Variants in OSBPL6 observed in about 807,000 individuals in gnomAD.
OSBPL6 encodes oxysterol binding protein like 6, also known as oxysterol-binding protein-related protein 6.
Under a neutral mutation model 125.8 loss-of-function variants are expected in OSBPL6, and 49 were observed. That is an observed-to-expected ratio of 0.39 (90% CI 0.31 to 0.49). OSBPL6 has a LOEUF of 0.49. Among genes scored for constraint, OSBPL6 ranks in the 20% least tolerant of loss-of-function variants. The pLI, the probability that OSBPL6 is intolerant of heterozygous loss-of-function variation, is 0.88. For synonymous variants in OSBPL6, 394 were observed against 391.8 expected (o/e 1.01, Z -0.07); for missense variants, 986 against 1,135.4 (o/e 0.87, Z 1.89).
intron 1 of OSBPL6, among the ~76,000 whole-genome samples, chr2:178,197,551 T>G (rs1483885517): frequency 6.6e-6 from 1 of 152,212 alleles, no homozygotes; most frequent in Non-Finnish European, 1.5e-5. Context: ...TATATGCTTC[T>G]TTTCCATGCA....
chr2:178,267,530 T>A (rs2092273342), intron 1 of OSBPL6, among the ~76,000 whole-genome samples: 1 of 152,106 alleles, frequency 6.6e-6, no homozygotes, highest in Admixed American at 6.6e-5. Context: ...CGTTGTAGGA[T>A]ATATGTAAGT....
intron 16 of OSBPL6, 159 bp from the exon 17 acceptor site, chr2:178,382,865 A>G: frequency 7.2e-7 from 1 of 1,395,154 alleles, no homozygotes; most frequent in South Asian, 1.5e-5. Context: ...TGCATTTATT[A>G]GCAACCTTGC....
chr2:178,352,648 T>G (rs1691383477), intron 12 of OSBPL6, among the ~76,000 whole-genome samples: 1 of 152,196 alleles, frequency 6.6e-6, no homozygotes, highest in Non-Finnish European at 1.5e-5. Flanking sequence ...AGACTCCACC[T>G]CTGTGGTCAG....
intron 15 of OSBPL6, among the ~76,000 whole-genome samples, chr2:178,378,106 G>A (rs1366688748): frequency 6.6e-6 from 1 of 152,148 alleles, no homozygotes; most frequent in Non-Finnish European, 1.5e-5. Context: ...TGGGACTACA[G>A]GCATGAGCCA....
At chr2:178,336,929 T>C (rs572497672) in intron 9 of OSBPL6, among the ~76,000 whole-genome samples, 1 of 152,316 alleles carries the variant, frequency 6.6e-6, no homozygotes, top group South Asian at 2.1e-4. Context: ...AATGGCAAAG[T>C]TGTAAAATGC....
At chr2:178,221,548 G>T (rs186952535) in intron 1 of OSBPL6, among the ~76,000 whole-genome samples, 229 of 152,356 alleles carry the variant, frequency 1.5e-3, no homozygotes, top group African/African-American at 4.9e-3. Flanking sequence ...TGTCGATTAT[G>T]TACGTGTCAC....
At chr2:178,199,577 A>G (rs950221712) in intron 1 of OSBPL6, among the ~76,000 whole-genome samples, 1 of 148,254 alleles carries the variant, frequency 6.7e-6, no homozygotes, top group Non-Finnish European at 1.5e-5. Context: ...CAAGATAACC[A>G]TTAAGGGTTT....
At chr2:178,337,822 A>G (rs1326498597) in intron 9 of OSBPL6, among the ~76,000 whole-genome samples, 8 of 152,224 alleles carry the variant, frequency 5.3e-5, no homozygotes, top group African/African-American at 1.9e-4. Context: ...CTATGCTTAT[A>G]TAGCACCATT....
intron 13 of OSBPL6, among the ~76,000 whole-genome samples, chr2:178,369,811 AC>A (rs1180667468): frequency 1.3e-5 from 2 of 152,156 alleles, no homozygotes; most frequent in African/African-American, 4.8e-5. Flanking sequence ...TAAATGGCAA[AC>A]CTATCTTTAA....
intron 1 of OSBPL6, among the ~76,000 whole-genome samples, chr2:178,268,964 T>C (rs560820047): frequency 2.8e-4 from 43 of 152,278 alleles, no homozygotes; most frequent in African/African-American, 9.1e-4. Flanking sequence ...TCCTGCATGA[T>C]TGTATGTGCA....
intron 15 of OSBPL6, among the ~76,000 whole-genome samples, chr2:178,379,193 A>G (rs1018827231): frequency 2.0e-5 from 3 of 151,652 alleles, no homozygotes; most frequent in Non-Finnish European, 4.4e-5. Flanking sequence ...AAGGAACGAA[A>G]AAAAGAAAGG....
intron 1 of OSBPL6, among the ~76,000 whole-genome samples, chr2:178,267,910 T>C (rs534512648): frequency 6.6e-6 from 1 of 152,134 alleles, no homozygotes; most frequent in South Asian, 2.1e-4. Context: ...TCTCTGCTAA[T>C]ATCCATACTT....
At chr2:178,247,552 T>C (rs2153999314) in intron 1 of OSBPL6, among the ~76,000 whole-genome samples, 1 of 152,298 alleles carries the variant, frequency 6.6e-6, no homozygotes, top group Admixed American at 6.5e-5. Context: ...CATGTCTTGC[T>C]TCTCTTTCAC....
intron 1 of OSBPL6, among the ~76,000 whole-genome samples, chr2:178,268,085 CTTTT>C (rs36020212): frequency 7.0e-6 from 1 of 142,292 alleles, no homozygotes; most frequent in Non-Finnish European, 1.5e-5. Context: ...TTTAAATTTT[CTTTT>C]TTTTTTTTTT....
At chr2:178,268,810 C>A (rs2092308515) in intron 1 of OSBPL6, among the ~76,000 whole-genome samples, 5 of 151,656 alleles carry the variant, frequency 3.3e-5, no homozygotes, top group Admixed American at 2.0e-4. Flanking sequence ...ATAGCCAGAG[C>A]ATTGAGGCAG....
intron 13 of OSBPL6, among the ~76,000 whole-genome samples, chr2:178,367,944 C>T (rs894496803): frequency 6.6e-6 from 1 of 152,148 alleles, no homozygotes; most frequent in Non-Finnish European, 1.5e-5. Flanking sequence ...GCTCTTCTTG[C>T]TCATTGGCTG....
chr2:178,391,903 A>T (rs540010341), intron 22 of OSBPL6, among the ~76,000 whole-genome samples: 7 of 152,246 alleles, frequency 4.6e-5, no homozygotes, highest in African/African-American at 1.7e-4. Context: ...GCAACTATTT[A>T]TTGAGTGCTG....
chr2:178,394,181 G>A (rs1428947070), intron 23 of OSBPL6, 132 bp from the exon 24 acceptor site: 25 of 1,180,428 alleles, frequency 2.1e-5, no homozygotes, highest in Non-Finnish European at 2.9e-5. Flanking sequence ...CCTGGCGACA[G>A]AGCAAGACTC....
At chr2:178,390,792 A>AT (rs1165797954) in intron 21 of OSBPL6, among the ~76,000 whole-genome samples, 26 of 152,372 alleles carry the variant, frequency 1.7e-4, no homozygotes, top group East Asian at 1.5e-3. Flanking sequence ...AGGAAAAAAA[A>AT]TTGCTAGCTT....
Sources: allele counts gnomAD v4.1 joint callset (sites outside exome capture counted in the v4.1 genomes callset), GRCh38; gene constraint gnomAD v4.1.1; transcripts MANE v1.5; gene names NCBI Gene and HGNC (gene_info 2026-07-23, HGNC 2026-07-21).